The following CD163 variants were observed in gnomAD, a reference collection of about 807,000 sequenced individuals.
The protein encoded by CD163 is scavenger receptor cysteine-rich type 1 protein M130.
CD163 carries 64 observed loss-of-function variants against 129.2 expected under a neutral mutation model. The observed-to-expected ratio is 0.50, with a 90% CI of 0.41 to 0.61. The LOEUF (loss-of-function observed/expected upper bound fraction) is 0.61, where lower values mean the gene tolerates loss of function less well. CD163 is among the 20% of genes least tolerant of loss of function. The pLI is 0.00. For missense variants in CD163, 1,061 were observed against 1,377.9 expected, an observed-to-expected ratio of 0.77 and a Z score of 3.64; for synonymous variants, 446 against 478.5, an observed-to-expected ratio of 0.93 and a Z score of 0.89.
chr12:7,496,780 T>G lies in CD163; in HGVS notation c.1099+33A>C, dbSNP rs765463249. The G allele has an allele frequency of 1.5e-5, 24 of 1,591,466 alleles. No individual in the cohort carries two copies. Among genetic ancestry groups the G allele is most frequent in the Non-Finnish European group, 2.0e-5 (23 of 1,160,300 alleles). On this transcript the variant is annotated intron_variant, in intron 5 of 16. Coordinates refer to ENST00000432237, the MANE Select transcript of CD163 (RefSeq NM_203416.4). The surrounding 1 kb of genome is among the most constrained non-coding windows in gnomAD (Gnocchi z 4.8). ...TTCCGTTTCTGCTTTTCTTTTTGTT[T>G]AGTGTTTTGGTTTTGGTTTGGTTTT...
rs1286915417 is a variant in CD163 at position 7,470,878 on chromosome 12, C to G, written c.*551G>C. 6.6e-6 allele frequency: 1 copy of G among 152,076 alleles called. No homozygotes were observed. The highest frequency in any genetic ancestry group is 1.5e-5 in the Non-Finnish European group (1 of 67,994). 9.4% of individuals were successfully genotyped at this position (152,076 alleles called of 1,614,324 possible). On this transcript the variant is annotated 3_prime_UTR_variant, in exon 17 of 17. Coordinates refer to ENST00000432237, the MANE Select transcript of CD163 (RefSeq NM_203416.4). ...TGAACAGAATTACAGTAACAAAAAGCAGTTAAAGAATCGTTGTGAGTCATG... is the reference window on the plus strand; with the variant it reads ...TGAACAGAATTACAGTAACAAAAAGGAGTTAAAGAATCGTTGTGAGTCATG...
At position 7,498,187 on chromosome 12, in the gene CD163, T is replaced by C. The variant is rs185695904; in HGVS notation, c.778+681A>G. On this transcript the variant is annotated intron_variant, in intron 4 of 16. Transcript: ENST00000432237. ...GAGAGAGAAAGGGATCTGGTGAAGA[T>C]AGGGATTTTTTACTCTTATTTTCCT... Among the ~76,000 whole-genome samples, 112 of 150,900 alleles carry C rather than the reference T, an allele frequency of 7.4e-4. 2 individuals carry two copies. The East Asian group carries it at 0.02, about 27-fold the overall frequency.
intron 6 of CD163, among the ~76,000 whole-genome samples, chr12:7,491,190 A>G (rs1949322754): frequency 6.6e-6 from 1 of 152,100 alleles, no homozygotes; most frequent in Non-Finnish European, 1.5e-5. Flanking sequence ...AAACTCATTA[A>G]GCAATTGAGA....
rs1479991540 is a variant in CD163 at position 7,475,108 on chromosome 12, A to AC, written c.*32-3712_*32-3711insG. ...AATAGCCTACCAACCAAAAAAAAAA[A>AC]AAAAAAAAAACCATGACCAGATGAA... On this transcript the variant is annotated intron_variant, in intron 16 of 16. Transcript: ENST00000432237. 3.4e-5 allele frequency among the ~76,000 whole-genome samples: 5 copies of AC among 149,084 alleles called. No homozygotes were observed. The East Asian group carries it at 9.8e-4, about 29-fold the overall frequency.
intron 6 of CD163, among the ~76,000 whole-genome samples, chr12:7,488,870 C>T (rs904545958): frequency 9.2e-5 from 14 of 152,132 alleles, no homozygotes; most frequent in Admixed American, 7.9e-4. Flanking sequence ...ATTAGAACCA[C>T]CTAAAATTGA....
intron 6 of CD163, among the ~76,000 whole-genome samples, chr12:7,490,008 G>T (rs1283585194): frequency 6.6e-6 from 1 of 151,926 alleles, no homozygotes; most frequent in Non-Finnish European, 1.5e-5. Flanking sequence ...CCTAGGAAAA[G>T]GCTACTTCTT....
intron 11 of CD163, 74 bp from the exon 12 acceptor site, chr12:7,483,749 G>T: frequency 1.9e-5 from 15 of 771,014 alleles, no homozygotes; most frequent in Non-Finnish European, 2.5e-5. Flanking sequence ...TGAAAAGAGA[G>T]ATTTGAAACT....
At chr12:7,494,383 A>T (rs1949370201) in intron 6 of CD163, among the ~76,000 whole-genome samples, 1 of 152,200 alleles carries the variant, frequency 6.6e-6, no homozygotes, top group South Asian at 2.1e-4. Flanking sequence ...CCCTCACTGC[A>T]TGCCTAGGTT....
chr12:7,492,514 G>C (rs893778650), intron 6 of CD163, among the ~76,000 whole-genome samples: 2 of 152,118 alleles, frequency 1.3e-5, no homozygotes, highest in Non-Finnish European at 2.9e-5. Flanking sequence ...GCCTCACTTT[G>C]AAAAGAAAAC....
rs747722660 is a variant in CD163, at chr12:7,485,140, T to G, written c.2735A>C (p.Lys912Thr). Residue 912 changes from lysine to threonine, a missense_variant, in exon 11 of 17, where the codon AAG (lysine) becomes ACG (threonine). By Grantham distance (78) the Lys-to-Thr change is moderately conservative (BLOSUM62 -1). Coordinates refer to ENST00000432237, the MANE Select transcript of CD163 (RefSeq NM_203416.4). This position sits in a 1 kb window ranked among gnomAD's most constrained non-coding sequence, Gnocchi z 4.5. ...LWQCPSSPWE[K>T]RLASPSEETW... ...CTCCTCCGAGGGGCTGGCCAGTCTC[T>G]TCTCCCATGGAGATGATGGGCACTG... 1 of 1,613,574 alleles carries G rather than the reference T, an allele frequency of 6.2e-7. No homozygotes were observed. Among genetic ancestry groups the G allele is most frequent in the South Asian group, 1.1e-5 (1 of 91,072 alleles).
At chr12:7,494,877 A>C (rs184143404) in intron 6 of CD163, among the ~76,000 whole-genome samples, 1 of 152,316 alleles carries the variant, frequency 6.6e-6, no homozygotes. Flanking sequence ...TTACTCAAAA[A>C]CCAAAGTGAG....
At chr12:7,497,382 G>C (rs1024285817) in intron 4 of CD163, among the ~76,000 whole-genome samples, 3 of 152,204 alleles carry the variant, frequency 2.0e-5, no homozygotes, top group Non-Finnish European at 4.4e-5. Flanking sequence ...TACAGGGACT[G>C]AATTTCATCT....
At chr12:7,502,448 G>A (rs746782216) in intron 2 of CD163, 30 bp downstream of exon 2, 4 of 1,388,336 alleles carry the variant, frequency 2.9e-6, no homozygotes, top group Non-Finnish European at 4.1e-6. Flanking sequence ...AGTGGGCTAA[G>A]GCTGTAAGTA....
intron 16 of CD163, among the ~76,000 whole-genome samples, chr12:7,473,932 G>T (rs935970742): frequency 2.6e-5 from 4 of 152,158 alleles, no homozygotes; most frequent in Middle Eastern, 3.4e-3. Flanking sequence ...TGCAATTCTA[G>T]TCTATGATAA....
At position 7,486,796 on chromosome 12, in the gene CD163, G is replaced by A. The variant is rs1949256466; in HGVS notation, c.2161C>T (p.Leu721=). The A allele has an allele frequency of 6.2e-7, 1 of 1,609,910 alleles. No individual in the cohort carries two copies. Residue 721 remains leucine (L), a synonymous_variant, in exon 10 of 17, where the codon CTG becomes TTG. Coordinates refer to ENST00000432237, the MANE Select transcript of CD163 (RefSeq NM_203416.4). Reference sequence around the variant, plus strand: ...GCACAGCGACCTCCTCCATTTACCAGGCGAAGTTGACCACTCTCTGCAAAG... The same window carrying A: ...GCACAGCGACCTCCTCCATTTACCAAGCGAAGTTGACCACTCTCTGCAAAG... ...VACIESGQLR[L]VNGGGRCAGR...
At chr12:7,488,424 A>G (rs955842666) in intron 6 of CD163, among the ~76,000 whole-genome samples, 1 of 152,134 alleles carries the variant, frequency 6.6e-6, no homozygotes, top group South Asian at 2.1e-4. Context: ...TACTATCGCT[A>G]TCTCTTAGTC....
chr12:7,500,934 C>T (rs1352706862), intron 3 of CD163, among the ~76,000 whole-genome samples: 1 of 151,840 alleles, frequency 6.6e-6, no homozygotes, highest in African/African-American at 2.4e-5. Context: ...AGCCAGTCAC[C>T]TCCTCATTAA....
At chr12:7,501,484 G>A (rs1436076914) in intron 2 of CD163, 22 bp from the exon 3 acceptor site, 1 of 1,588,014 alleles carries the variant, frequency 6.3e-7, no homozygotes, top group Admixed American at 1.7e-5. Context: ...GATTAAGACA[G>A]TAATTGGCCA....
chr12:7,490,990 A>G (rs190786202), intron 6 of CD163, among the ~76,000 whole-genome samples: 52 of 152,116 alleles, frequency 3.4e-4, no homozygotes, highest in African/African-American at 1.1e-3. Context: ...ACTAGTATTC[A>G]TATGATCCCA....
Sources: allele counts gnomAD v4.1 joint callset (sites outside exome capture counted in the v4.1 genomes callset), GRCh38; gene constraint gnomAD v4.1.1; non-coding constraint Gnocchi (gnomAD v3.1); transcripts MANE v1.5; gene names NCBI Gene and HGNC (gene_info 2026-07-23, HGNC 2026-07-21).